CRIM1: variants seen among roughly 807,000 people sequenced by gnomAD.
The protein encoded by CRIM1 is cysteine rich transmembrane BMP regulator 1, also known as cysteine-rich motor neuron 1 protein.
A neutral mutation model predicts 116.4 loss-of-function variants in CRIM1; 32 were observed. The observed-to-expected ratio is 0.27, with a 90% CI of 0.21 to 0.37. CRIM1 has a LOEUF of 0.37. Ranked by LOEUF, CRIM1 falls within the 10% of genes least tolerant of loss-of-function variation. The probability of loss-of-function intolerance (pLI) is 1.00; values close to 1 mark genes in which losing one functional copy is unlikely to be tolerated. For synonymous variants in CRIM1, 590 were observed against 509.2 expected (o/e 1.16, Z -2.13); for missense variants, 1,331 against 1,354.8 (o/e 0.98, Z 0.28).
chr2:36,501,687 A>C (rs915013437), intron 8 of CRIM1, among the ~76,000 whole-genome samples: 2 of 152,056 alleles, frequency 1.3e-5, no homozygotes, highest in Non-Finnish European at 2.9e-5. Flanking sequence ...GTGCCACTGC[A>C]CTCCAGCCTG....
intron 2 of CRIM1, among the ~76,000 whole-genome samples, chr2:36,439,952 A>G (rs111686189): frequency 0.012 from 1,803 of 152,336 alleles, 31 homozygotes; most frequent in African/African-American, 0.039. Context: ...TGCTCAGTCA[A>G]TGTTTCAGTG....
intron 13 of CRIM1, among the ~76,000 whole-genome samples, chr2:36,534,419 A>G (rs1421967848): frequency 7.8e-6 from 1 of 129,008 alleles, no homozygotes; most frequent in Non-Finnish European, 1.6e-5. Flanking sequence ...AAATACAGAC[A>G]GGAAGGAAGG....
chr2:36,393,336 T>C (rs531205188), intron 1 of CRIM1, among the ~76,000 whole-genome samples: 2 of 152,282 alleles, frequency 1.3e-5, no homozygotes, highest in African/African-American at 2.4e-5. Flanking sequence ...ATGTTCTTTA[T>C]ATTATCTTGA....
chr2:36,431,553 TG>T (rs1674892382), intron 2 of CRIM1, among the ~76,000 whole-genome samples: 1 of 152,220 alleles, frequency 6.6e-6, no homozygotes, highest in Non-Finnish European at 1.5e-5. Context: ...ATAATACCCT[TG>T]GTTTATTGTT....
chr2:36,395,839 T>C (rs1671986424), intron 1 of CRIM1, among the ~76,000 whole-genome samples: 1 of 152,154 alleles, frequency 6.6e-6, no homozygotes. Context: ...CTTTTGGTGG[T>C]GTCTGATTTT....
intron 2 of CRIM1, among the ~76,000 whole-genome samples, chr2:36,398,570 A>T (rs1422847528): frequency 2.6e-5 from 4 of 152,252 alleles, no homozygotes; most frequent in African/African-American, 9.6e-5. Flanking sequence ...TTTTGAGATC[A>T]TTCCCACAGG....
At chr2:36,455,493 G>A (rs139618642) in intron 4 of CRIM1, among the ~76,000 whole-genome samples, 3 of 152,268 alleles carry the variant, frequency 2.0e-5, no homozygotes, top group East Asian at 3.9e-4. Context: ...GTTCCTAAGC[G>A]GCCAGAACTT....
At chr2:36,432,283 T>C (rs527383733) in intron 2 of CRIM1, among the ~76,000 whole-genome samples, 2 of 152,330 alleles carry the variant, frequency 1.3e-5, no homozygotes, top group African/African-American at 4.8e-5. Flanking sequence ...TGTACATTTA[T>C]CTAAACCATC....
In CRIM1 at chr2:36,356,567, T is replaced by G; in HGVS notation, c.275T>G (p.Ile92Ser). The change falls in exon 1 of 17, where the codon ATC becomes AGC. Residue 92 changes from isoleucine (I) to serine (S), a missense_variant. Transcript: ENST00000280527. This position sits in a 1 kb window ranked among gnomAD's most constrained non-coding sequence, Gnocchi z 4.3. ...GTCDRGLRCV[I>S]RPPLNGDSLT... ...TGCGACCGGGGGCTGCGTTGTGTCA[T>G]CCGCCCCCCGCTCAATGGCGACTCC... 6.2e-7 allele frequency: 1 copy of G among 1,612,158 alleles called. No homozygotes were observed. The highest frequency in any genetic ancestry group is 8.5e-7 in the Non-Finnish European group (1 of 1,179,746).
intron 9 of CRIM1, among the ~76,000 whole-genome samples, chr2:36,510,611 C>T (rs1243969398): frequency 6.6e-6 from 1 of 152,158 alleles, no homozygotes; most frequent in Non-Finnish European, 1.5e-5. Flanking sequence ...TGGAACTAGT[C>T]AGCGTTTCGT....
At chr2:36,386,320 C>T (rs1346827528) in intron 1 of CRIM1, among the ~76,000 whole-genome samples, 2 of 152,132 alleles carry the variant, frequency 1.3e-5, no homozygotes, top group African/African-American at 4.8e-5. Context: ...ATTTATCTAA[C>T]ATGGTTGAGG....
In CRIM1 at chr2:36,356,238, C is replaced by A. The variant is rs1668782598; in HGVS notation, c.-55C>A. 2.7e-6 allele frequency: 3 copies of A among 1,096,468 alleles called. No homozygotes were observed. Among genetic ancestry groups the A allele is most frequent in the Non-Finnish European group, 2.4e-6 (2 of 823,908 alleles). The allele number at this position is 1,096,468 out of a possible 1,614,324, so 67.9% of individuals were successfully genotyped here. On this transcript the variant is annotated 5_prime_UTR_variant, in exon 1 of 17. Transcript: ENST00000280527. This position sits in a 1 kb window ranked among gnomAD's most constrained non-coding sequence, Gnocchi z 4.3. The stretch of plus-strand genomic sequence containing the variant: ...CGCGTGTGCCCCGCGCAGGGGAGGG[C>A]GCCCGCCCCGCTCCCGGCCCGGCTG...
intron 13 of CRIM1, chr2:36,529,314 A>C (rs1572937678): frequency 5.2e-6 from 2 of 383,938 alleles, no homozygotes; most frequent in East Asian, 1.5e-4. Context: ...AGGTGCAGAA[A>C]CTGGCCAATC....
chr2:36,398,166 C>T (rs937853056), intron 2 of CRIM1, among the ~76,000 whole-genome samples: 1 of 152,170 alleles, frequency 6.6e-6, no homozygotes, highest in Non-Finnish European at 1.5e-5. Context: ...TAAACTTACT[C>T]ATATAAAGTC....
intron 14 of CRIM1, among the ~76,000 whole-genome samples, chr2:36,538,441 A>G (rs1280406619): frequency 6.6e-6 from 1 of 152,024 alleles, no homozygotes; most frequent in African/African-American, 2.4e-5. Flanking sequence ...TTTCTGTCTT[A>G]CCTCGATTCT....
intron 14 of CRIM1, among the ~76,000 whole-genome samples, chr2:36,538,110 T>C (rs1440363814): frequency 6.6e-6 from 1 of 152,150 alleles, no homozygotes; most frequent in Non-Finnish European, 1.5e-5. Flanking sequence ...GTACCCCAGC[T>C]GGCTGTTGTG....
At chr2:36,369,672 A>G (rs1669820221) in intron 1 of CRIM1, among the ~76,000 whole-genome samples, 3 of 152,222 alleles carry the variant, frequency 2.0e-5, no homozygotes, top group Admixed American at 2.0e-4. Context: ...ATTCGAGAAG[A>G]TGATAAATGT....
At position 36,517,320 on chromosome 2, in the gene CRIM1, T is replaced by C; in HGVS notation, c.1991-7T>C. The C allele has an allele frequency of 6.2e-7, 1 of 1,611,834 alleles. No individual in the cohort carries two copies. Among genetic ancestry groups the C allele is most frequent in the Non-Finnish European group, 8.5e-7 (1 of 1,177,872 alleles). On this transcript the variant is annotated splice_region_variant and splice_polypyrimidine_tract_variant and intron_variant, in intron 11 of 16. Transcript: ENST00000280527. Reference sequence around the variant, plus strand: ...ATAATGTGTTCTGATTTTGTGTCATTTCCCAGATGACTTTGTGGTGCAGAA... The same window carrying C: ...ATAATGTGTTCTGATTTTGTGTCATCTCCCAGATGACTTTGTGGTGCAGAA...
chr2:36,453,068 A>C (rs1224849385), intron 4 of CRIM1, among the ~76,000 whole-genome samples: 3 of 152,260 alleles, frequency 2.0e-5, no homozygotes, highest in Non-Finnish European at 4.4e-5. Flanking sequence ...ACCTGTAATG[A>C]AAATACCAAA....
Sources: gnomAD v4.1 joint callset for allele counts (sites outside exome capture counted in the v4.1 genomes callset) on GRCh38, gnomAD v4.1.1 for gene constraint, Gnocchi (gnomAD v3.1) non-coding constraint, MANE v1.5 for transcripts, NCBI Gene and HGNC (gene_info 2026-07-23, HGNC 2026-07-21) for gene names.